BCL11A: variants seen among roughly 807,000 people sequenced by gnomAD.
BCL11A encodes the protein B cell CLL/lymphoma 11A.
BCL11A carries 2 observed loss-of-function variants against 55.9 expected under a neutral mutation model. The observed-to-expected ratio is 0.04, with a 90% CI of 0.01 to 0.11. BCL11A has a LOEUF of 0.11. Ranked by LOEUF, BCL11A falls within the 10% of genes least tolerant of loss-of-function variation. BCL11A has a pLI of 1.00. For synonymous variants in BCL11A, 465 were observed against 473.4 expected, an observed-to-expected ratio of 0.98 and a Z score of 0.23; for missense variants, 817 against 1,137.1, an observed-to-expected ratio of 0.72 and a Z score of 4.05.
intron 3 of BCL11A, among the ~76,000 whole-genome samples, chr2:60,467,843 GTGATGCTACTGGTGGTGA>G (rs1676896335): frequency 9.0e-6 from 1 of 110,598 alleles, no homozygotes; most frequent in Non-Finnish European, 2.1e-5. Context: ...GGTGGTGGTG[GTGATGCTACTGGTGGTGA>G]TGGTACTGGT....
At chr2:60,492,237 T>G (rs755206358) in intron 2 of BCL11A, among the ~76,000 whole-genome samples, 3 of 152,094 alleles carry the variant, frequency 2.0e-5, no homozygotes, top group Non-Finnish European at 4.4e-5. Flanking sequence ...CATGGTGGCA[T>G]GCACCTGTCG....
rs751008889 is a variant in BCL11A at position 60,546,646 on chromosome 2, C to A, written c.56-346G>T. Among the ~76,000 whole-genome samples the A allele has an allele frequency of 6.6e-6, 1 of 151,886 alleles. No homozygotes were observed. Among genetic ancestry groups the A allele is most frequent in the African/African-American group, 2.4e-5 (1 of 41,324 alleles). On this transcript the variant is annotated intron_variant, in intron 1 of 3. Coordinates refer to ENST00000642384, the MANE Select transcript of BCL11A (RefSeq NM_022893.4). This position sits in a 1 kb window ranked among gnomAD's most constrained non-coding sequence, Gnocchi z 4.1. ...AAGAATGCTACTTAAATAGTTAACA[C>A]AGGGAACATAAAGAAAGCTTAAATA... is the stretch of plus-strand genomic sequence containing the variant.
At chr2:60,547,915 G>C (rs964537701) in intron 1 of BCL11A, among the ~76,000 whole-genome samples, 10 of 152,058 alleles carry the variant, frequency 6.6e-5, no homozygotes, top group Admixed American at 1.3e-4. Flanking sequence ...TTTAACATAA[G>C]GTCACCACAG....
chr2:60,468,666 G>A lies in BCL11A; in HGVS notation c.487+66C>T, dbSNP rs1677026282. Reference sequence around the variant, plus strand: ...CTCCTTCAGTACTTAAAAAGTAAGGGCAATTTCCAGAAATTCTCATCTCTA... The same window carrying A: ...CTCCTTCAGTACTTAAAAAGTAAGGACAATTTCCAGAAATTCTCATCTCTA... On this transcript the variant is annotated intron_variant, in intron 3 of 3. Transcript: ENST00000642384. 6 of 1,216,858 alleles carry A rather than the reference G, an allele frequency of 4.9e-6. No individual in the cohort carries two copies. The East Asian group carries it at 1.2e-4, about 24-fold the overall frequency. The allele number at this position is 1,216,858 out of a possible 1,614,324, so 75.4% of individuals were successfully genotyped here.
intron 2 of BCL11A, 150 bp downstream of exon 2, chr2:60,545,821 G>T: frequency 1.4e-6 from 1 of 690,960 alleles, no homozygotes; most frequent in Non-Finnish European, 2.5e-6. Context: ...GTAAGCAACA[G>T]AAATGATTAT....
chr2:60,518,287 A>C (rs2104535344), intron 2 of BCL11A, among the ~76,000 whole-genome samples: 2 of 152,322 alleles, frequency 1.3e-5, no homozygotes, highest in Admixed American at 1.3e-4. Flanking sequence ...ATAATACATA[A>C]AACATCATAG....
intron 2 of BCL11A, chr2:60,528,472 C>T (rs1191770446): frequency 6.6e-6 from 1 of 152,280 alleles, no homozygotes; most frequent in Non-Finnish European, 1.5e-5. Flanking sequence ...CCAACAGCTC[C>T]GTGCTCCTTC....
chr2:60,463,342 C>T (rs1019347017), intron 3 of BCL11A, among the ~76,000 whole-genome samples: 8 of 152,230 alleles, frequency 5.3e-5, no homozygotes, highest in African/African-American at 1.9e-4. Context: ...AAACAGCCAG[C>T]GCCATGACAG....
At chr2:60,551,348 GGTGAA>G (rs923462446) in intron 1 of BCL11A, among the ~76,000 whole-genome samples, 1 of 152,192 alleles carries the variant, frequency 6.6e-6, no homozygotes, top group Non-Finnish European at 1.5e-5. Flanking sequence ...AGACCCAAAG[GGTGAA>G]GTGCTCGGGG....
chr2:60,532,086 C>G (rs921492782), intron 2 of BCL11A, among the ~76,000 whole-genome samples: 12 of 152,284 alleles, frequency 7.9e-5, no homozygotes, highest in Admixed American at 5.9e-4. Flanking sequence ...GCCCCTCCCC[C>G]CAAATCCAAC....
chr2:60,474,033 T>C (rs559707127), intron 2 of BCL11A, among the ~76,000 whole-genome samples: 1 of 152,356 alleles, frequency 6.6e-6, no homozygotes, highest in African/African-American at 2.4e-5. Context: ...CTTAGATTCC[T>C]TGATACTTCA....
chr2:60,496,012 A>G (rs1488907602), intron 2 of BCL11A, among the ~76,000 whole-genome samples: 1 of 152,246 alleles, frequency 6.6e-6, no homozygotes, highest in African/African-American at 2.4e-5. Context: ...AAAGAGAACA[A>G]ACAAACCAAA....
intron 2 of BCL11A, among the ~76,000 whole-genome samples, chr2:60,505,233 A>T (rs1483860946): frequency 6.6e-6 from 1 of 152,238 alleles, no homozygotes; most frequent in Non-Finnish European, 1.5e-5. Context: ...TCATAAGCCA[A>T]AAAAGCTAGA....
chr2:60,518,736 G>A (rs991170154), intron 2 of BCL11A, among the ~76,000 whole-genome samples: 1 of 152,202 alleles, frequency 6.6e-6, no homozygotes, highest in African/African-American at 2.4e-5. Context: ...ATCAGAACGT[G>A]GGATGGGGTG....
At chr2:60,542,017 C>T (rs771347251) in intron 2 of BCL11A, 357 of 645,526 alleles carry the variant, frequency 5.5e-4, no homozygotes, top group Non-Finnish European at 9.1e-4. Context: ...CTTTTAAGAG[C>T]ATGCTAATGT....
At chr2:60,528,140 C>T (rs1669289567) in intron 2 of BCL11A, 1 of 152,768 alleles carries the variant, frequency 6.5e-6, no homozygotes, top group Non-Finnish European at 1.5e-5. Context: ...TCCTAAGAAA[C>T]ACCACTGCCA....
At chr2:60,515,657 G>A (rs1668696737) in intron 2 of BCL11A, among the ~76,000 whole-genome samples, 1 of 152,178 alleles carries the variant, frequency 6.6e-6, no homozygotes, top group Non-Finnish European at 1.5e-5. Flanking sequence ...AATATCTGTG[G>A]GACCCAGCTA....
chr2:60,499,682 G>C (rs1271010960), intron 2 of BCL11A: 2 of 152,318 alleles, frequency 1.3e-5, no homozygotes, highest in African/African-American at 2.4e-5. Context: ...GGAACATGAA[G>C]CTCCCCGGAC....
At chr2:60,476,883 T>G (rs1459690855) in intron 2 of BCL11A, among the ~76,000 whole-genome samples, 1 of 152,202 alleles carries the variant, frequency 6.6e-6, no homozygotes, top group Non-Finnish European at 1.5e-5. Flanking sequence ...ATTTATCAGT[T>G]TCCATTAATG....
Sources: gnomAD v4.1 joint callset for allele counts (sites outside exome capture counted in the v4.1 genomes callset) on GRCh38, gnomAD v4.1.1 for gene constraint, Gnocchi (gnomAD v3.1) non-coding constraint, MANE v1.5 for transcripts, NCBI Gene and HGNC (gene_info 2026-07-23, HGNC 2026-07-21) for gene names.